Variants in FARS2 observed in about 807,000 individuals in gnomAD.
The protein encoded by FARS2 is phenylalanine--tRNA ligase, mitochondrial.
Under a neutral mutation model 46.4 loss-of-function variants are expected in FARS2, and 40 were observed. The ratio of observed to expected loss-of-function variants is 0.86; its 90% CI spans 0.67 to 1.12. The LOEUF is 1.12. Ranked by LOEUF, FARS2 falls within the 50% of genes most tolerant of loss-of-function variation. FARS2 has a pLI of 0.00. For synonymous variants in FARS2, 234 were observed against 214.9 expected (o/e 1.09, Z -0.78); for missense variants, 513 against 567.9 (o/e 0.90, Z 0.98).
Position 5,572,842 on chromosome 6 carries a change from G to A in FARS2, c.1065+27502G>A, listed in dbSNP as rs75791433. On this transcript the variant is annotated intron_variant, in intron 5 of 6. Coordinates refer to ENST00000274680, the MANE Select transcript of FARS2 (RefSeq NM_006567.5). ...TAAAGTTTGGGCACTTCTGACCAACGCTATAGTAATAACCAATGGACTGGT... is the reference window on the plus strand; with the variant it reads ...TAAAGTTTGGGCACTTCTGACCAACACTATAGTAATAACCAATGGACTGGT... 8.1e-3 allele frequency among the ~76,000 whole-genome samples: 1,227 copies of A among 152,150 alleles called. 19 individuals are homozygous for A. The highest frequency in any genetic ancestry group is 0.025 in the African/African-American group (1,057 of 41,498).
In FARS2 at chr6:5,545,114, G is replaced by T. The variant is rs538767863; in HGVS notation, c.905-66G>T. On this transcript the variant is annotated intron_variant, in intron 4 of 6. Coordinates refer to ENST00000274680, the MANE Select transcript of FARS2 (RefSeq NM_006567.5). ...AATTAGTGTCACTGATAACTGTCAGGGAGTGGTATGAACCTATCCAATCTC... is the reference window on the plus strand; with the variant it reads ...AATTAGTGTCACTGATAACTGTCAGTGAGTGGTATGAACCTATCCAATCTC... 6.1e-6 allele frequency: 9 copies of T among 1,469,326 alleles called. No homozygotes were observed. The South Asian group carries it at 1.1e-4, about 18-fold the overall frequency. 91.0% of individuals were successfully genotyped at this position (1,469,326 alleles called of 1,614,324 possible).
At chr6:5,417,452 C>G (rs1348960130) in intron 3 of FARS2, among the ~76,000 whole-genome samples, 1 of 152,162 alleles carries the variant, frequency 6.6e-6, no homozygotes, top group Non-Finnish European at 1.5e-5. Context: ...GTCTTGAACT[C>G]CTGGCCTCAA....
At chr6:5,580,308 A>AAG (rs1298998458) in intron 5 of FARS2, among the ~76,000 whole-genome samples, 1,528 of 147,258 alleles carry the variant, frequency 0.01, 26 homozygotes, top group African/African-American at 0.035. Context: ...AAAAAAAAAG[A>AAG]GAAGGAGGGA....
At chr6:5,501,400 A>G (rs1439823348) in intron 4 of FARS2, among the ~76,000 whole-genome samples, 1 of 152,216 alleles carries the variant, frequency 6.6e-6, no homozygotes, top group East Asian at 1.9e-4. Flanking sequence ...AGGTGACTAC[A>G]CAGCTCAGTT....
intron 5 of FARS2, among the ~76,000 whole-genome samples, chr6:5,573,607 C>T (rs1332721652): frequency 6.6e-6 from 1 of 152,194 alleles, no homozygotes; most frequent in Admixed American, 6.5e-5. Flanking sequence ...CGCATTCAGA[C>T]ATTCTATCCA....
chr6:5,322,316 T>G (rs1770037123), intron 1 of FARS2, among the ~76,000 whole-genome samples: 1 of 152,246 alleles, frequency 6.6e-6, no homozygotes, highest in Admixed American at 6.5e-5. Context: ...AAAGTTAGAT[T>G]ATAAAAGTAC....
chr6:5,596,039 T>C lies in FARS2; in HGVS notation c.1066-17130T>C, dbSNP rs78208692. On this transcript the variant is annotated intron_variant, in intron 5 of 6. Transcript: ENST00000274680. ...TAATTTATAAGGGTTTTAAATATGT[T>C]ACCCCATTTAATTTTCATAATAATT... is the stretch of plus-strand genomic sequence containing the variant. Among the ~76,000 whole-genome samples, 892 of 152,312 alleles carry C rather than the reference T, an allele frequency of 5.9e-3. 7 individuals carry two copies. Among genetic ancestry groups the C allele is most frequent in the African/African-American group, 0.02 (838 of 41,554 alleles).
chr6:5,306,255 G>C (rs1288418061), intron 1 of FARS2, among the ~76,000 whole-genome samples: 2 of 152,166 alleles, frequency 1.3e-5, no homozygotes, highest in Non-Finnish European at 2.9e-5. Flanking sequence ...TGGTTGTGTA[G>C]TTGAGATTCT....
At chr6:5,627,530 G>A (rs1235401912) in intron 6 of FARS2, among the ~76,000 whole-genome samples, 1 of 152,170 alleles carries the variant, frequency 6.6e-6, no homozygotes, top group Non-Finnish European at 1.5e-5. Flanking sequence ...AATGCACATG[G>A]CATACAATTT....
At chr6:5,460,703 T>C (rs924743004) in intron 4 of FARS2, among the ~76,000 whole-genome samples, 1 of 152,216 alleles carries the variant, frequency 6.6e-6, no homozygotes, top group Admixed American at 6.5e-5. Context: ...GACTGACTGC[T>C]GGAGTACTTA....
At chr6:5,448,049 G>A (rs1026789299) in intron 4 of FARS2, among the ~76,000 whole-genome samples, 3 of 152,234 alleles carry the variant, frequency 2.0e-5, no homozygotes, top group Admixed American at 6.5e-5. Flanking sequence ...AAGATACAGA[G>A]TTTCGAAAGA....
intron 1 of FARS2, among the ~76,000 whole-genome samples, chr6:5,296,188 C>T (rs1295881157): frequency 9.1e-6 from 1 of 109,676 alleles, no homozygotes; most frequent in Non-Finnish European, 1.7e-5. Flanking sequence ...GTCGCCTGGG[C>T]TGGAGTGCAG....
chr6:5,691,834 A>C (rs1582776208), intron 6 of FARS2, among the ~76,000 whole-genome samples: 3 of 152,194 alleles, frequency 2.0e-5, no homozygotes, highest in Admixed American at 2.0e-4. Flanking sequence ...AGTGGGCTCC[A>C]CCCAGTTCGA....
intron 6 of FARS2, among the ~76,000 whole-genome samples, chr6:5,711,869 G>T (rs1222590481): frequency 6.6e-6 from 1 of 152,154 alleles, no homozygotes; most frequent in East Asian, 1.9e-4. Context: ...TGAAAATAAT[G>T]TAGTGACGTT....
At chr6:5,532,083 A>G (rs1002259881) in intron 4 of FARS2, among the ~76,000 whole-genome samples, 1 of 152,214 alleles carries the variant, frequency 6.6e-6, no homozygotes, top group Non-Finnish European at 1.5e-5. Flanking sequence ...CAGAAGAGAA[A>G]TCTACTGTTA....
intron 4 of FARS2, among the ~76,000 whole-genome samples, chr6:5,497,606 T>C (rs1303944491): frequency 6.6e-6 from 1 of 152,244 alleles, no homozygotes; most frequent in African/African-American, 2.4e-5. Flanking sequence ...CTGTATTAAC[T>C]GTTATCATGG....
chr6:5,456,521 C>T (rs1554187462), intron 4 of FARS2, among the ~76,000 whole-genome samples: 1 of 151,782 alleles, frequency 6.6e-6, no homozygotes, highest in Non-Finnish European at 1.5e-5. Context: ...ATCACGAGGT[C>T]AGGAGTTCGA....
At chr6:5,738,697 T>C (rs766287521) in intron 6 of FARS2, among the ~76,000 whole-genome samples, 8 of 152,120 alleles carry the variant, frequency 5.3e-5, no homozygotes, top group Admixed American at 5.2e-4. Context: ...CAAGAAGAGT[T>C]GGTTACGAGT....
chr6:5,302,406 A>G (rs79138485), intron 1 of FARS2, among the ~76,000 whole-genome samples: 334 of 152,274 alleles, frequency 2.2e-3, no homozygotes, highest in Admixed American at 4.5e-3. Context: ...GAGAGTCGCA[A>G]AGCTGCTTGG....
Sources: gnomAD v4.1 joint callset for allele counts (sites outside exome capture counted in the v4.1 genomes callset) on GRCh38, gnomAD v4.1.1 for gene constraint, MANE v1.5 for transcripts, NCBI Gene and HGNC (gene_info 2026-07-23, HGNC 2026-07-21) for gene names.